TEK: variants seen among roughly 807,000 people sequenced by gnomAD.
TEK encodes the protein TEK receptor tyrosine kinase.
In TEK, 43 loss-of-function variants were observed where a neutral mutation model predicts 131.8. The ratio of observed to expected loss-of-function variants is 0.33; its 90% CI spans 0.26 to 0.42. The LOEUF (loss-of-function observed/expected upper bound fraction) is 0.42. TEK is among the 10% of genes least tolerant of loss of function. The pLI, the probability that TEK is intolerant of heterozygous loss-of-function variation, is 1.00. For missense variants in TEK, 1,162 were observed against 1,384.4 expected (o/e 0.84, Z 2.55); for synonymous variants, 580 against 491.6 (o/e 1.18, Z -2.38).
chr9:27,197,205 C>A, intron 11 of TEK, 110 bp from the exon 12 acceptor site: 1 of 1,209,808 alleles, frequency 8.3e-7, no homozygotes. Context: ...TCCCACCAGG[C>A]CCCACCTCCA....
rs191390931 is a variant in TEK, at chr9:27,123,572, T to C, written c.52+13930T>C. ...ACATAAAAGATTATCTAGCCCAGTG[T>C]TTCTGAAATCTCTTAACAGAATACC... is the stretch of plus-strand genomic sequence containing the variant. On this transcript the variant is annotated intron_variant, in intron 1 of 22. Coordinates refer to ENST00000380036, the MANE Select transcript of TEK (RefSeq NM_000459.5). Among the ~76,000 whole-genome samples, 148 of 152,364 alleles carry C rather than the reference T, an allele frequency of 9.7e-4. 1 individual carries two copies. Among genetic ancestry groups the C allele is most frequent in the African/African-American group, 3.4e-3 (143 of 41,596 alleles).
intron 20 of TEK, among the ~76,000 whole-genome samples, chr9:27,219,741 T>A (rs879730065): frequency 0.46 from 60,212 of 130,430 alleles, 13,964 homozygotes; most frequent in Middle Eastern, 0.57. Flanking sequence ...AAAAGGTTAA[T>A]CTTATTGGTA....
chr9:27,180,218 T>C lies in TEK; in HGVS notation c.902-22T>C, dbSNP rs749469926. The C allele has an allele frequency of 1.2e-5, 19 of 1,613,476 alleles. No individual in the cohort carries two copies. In the South Asian group the frequency reaches 2.0e-4, roughly 17 times the overall value. ...TCTCTTCCCCTGGATTAATACTGGTTTTTTGATGTCTCTGTTTACAGCATG... is the reference window on the plus strand; with the variant it reads ...TCTCTTCCCCTGGATTAATACTGGTCTTTTGATGTCTCTGTTTACAGCATG... On this transcript the variant is annotated intron_variant, in intron 6 of 22. Coordinates refer to ENST00000380036, the MANE Select transcript of TEK (RefSeq NM_000459.5).
chr9:27,119,877 CTGTG>C (rs1184124658), intron 1 of TEK, among the ~76,000 whole-genome samples: 2 of 124,426 alleles, frequency 1.6e-5, no homozygotes, highest in African/African-American at 2.9e-5. Flanking sequence ...ATCCTGGTGT[CTGTG>C]TGCACATGCG....
At chr9:27,160,313 A>C (rs1030134361) in intron 2 of TEK, among the ~76,000 whole-genome samples, 3 of 152,154 alleles carry the variant, frequency 2.0e-5, no homozygotes, top group Admixed American at 6.5e-5. Flanking sequence ...GTGTGAGCCC[A>C]CCAGGCCTGA....
rs189642223 is a variant in TEK, at chr9:27,116,279, G to C, written c.52+6637G>C. 3.0e-3 allele frequency among the ~76,000 whole-genome samples: 461 copies of C among 152,156 alleles called. 2 individuals carry two copies. The highest frequency in any genetic ancestry group is 0.011 in the African/African-American group (438 of 41,526). ...TTATTTTGTTCATGTTGATTTTGAG[G>C]CTACATGTAAAGGAAGTTTTTTTTT... is the stretch of plus-strand genomic sequence containing the variant. On this transcript the variant is annotated intron_variant, in intron 1 of 22. Transcript: ENST00000380036.
rs768328013 is a variant in TEK at position 27,218,728 on chromosome 9, C to CTCTAAATGAGT, written c.3063-49_3063-48insTCTAAATGAGT. The CTCTAAATGAGT allele has an allele frequency of 7.5e-6, 12 of 1,609,218 alleles. No homozygotes were observed. The South Asian group carries it at 1.2e-4, about 16-fold the overall frequency. ...CTGGCTTTTGGGGCCGGAAAATGAG[C>CTCTAAATGAGT]GGTGACTCTGTTTGCTGATTGTTGG... On this transcript the variant is annotated intron_variant, in intron 19 of 22. Transcript: ENST00000380036.
intron 21 of TEK, among the ~76,000 whole-genome samples, chr9:27,224,327 T>C (rs1826217652): frequency 6.6e-6 from 1 of 152,166 alleles, no homozygotes; most frequent in Non-Finnish European, 1.5e-5. Flanking sequence ...TTCAGGCCAA[T>C]ATCCCTGATG....
chr9:27,226,990 G>A (rs919418266), intron 21 of TEK, among the ~76,000 whole-genome samples: 13 of 121,546 alleles, frequency 1.1e-4, no homozygotes, highest in Admixed American at 5.6e-4. Flanking sequence ...TACCATCCTG[G>A]AAAAACCTGG....
At chr9:27,192,401 A>G in intron 10 of TEK, 88 bp from the exon 11 acceptor site, 1 of 1,524,530 alleles carries the variant, frequency 6.6e-7, no homozygotes, top group Non-Finnish European at 9.1e-7. Flanking sequence ...AAAACCTAAA[A>G]TTAGTTCACA....
At chr9:27,154,792 G>A (rs2131113119) in intron 1 of TEK, among the ~76,000 whole-genome samples, 1 of 152,310 alleles carries the variant, frequency 6.6e-6, no homozygotes, top group East Asian at 1.9e-4. Context: ...TAACCGGCAT[G>A]CTGAACAAGG....
chr9:27,185,550 C>A lies in TEK; in HGVS notation c.1248C>A (p.Pro416=). The A allele has an allele frequency of 6.2e-7, 1 of 1,613,862 alleles. No individual in the cohort carries two copies. The highest frequency in any genetic ancestry group is 8.5e-7 in the Non-Finnish European group (1 of 1,179,832). ...TATTCACCATCCACCGGATCCTCCCCCCTGACTCAGGAGTTTGGGTCTGCA... is the reference window on the plus strand; with the variant it reads ...TATTCACCATCCACCGGATCCTCCCACCTGACTCAGGAGTTTGGGTCTGCA... ...VAIFTIHRIL[P]PDSGVWVCSV... The change falls in exon 9 of 23, where the codon CCC becomes CCA. Residue 416 remains proline, a synonymous_variant. Transcript: ENST00000380036.
chr9:27,204,372 T>C (rs1023347005), intron 13 of TEK, among the ~76,000 whole-genome samples: 4 of 152,218 alleles, frequency 2.6e-5, no homozygotes, highest in African/African-American at 9.6e-5. Context: ...TTTTCCTCTG[T>C]CTTTTCCTGT....
intron 11 of TEK, 125 bp from the exon 12 acceptor site, chr9:27,197,190 T>C (rs1161845170): frequency 7.0e-6 from 7 of 1,005,688 alleles, no homozygotes; most frequent in South Asian, 1.5e-5. Context: ...CATCAACCAA[T>C]CACCTCCCAC....
rs1202114512 is a variant in TEK, at chr9:27,173,110, A to G, written c.761-112A>G. ...TGTTCATCCTACCATGCCACAGCTGAGATTTGACTGTTTCCCATATTCACT... is the reference window on the plus strand; with the variant it reads ...TGTTCATCCTACCATGCCACAGCTGGGATTTGACTGTTTCCCATATTCACT... On this transcript the variant is annotated intron_variant, in intron 5 of 22. Transcript: ENST00000380036. 5.6e-6 allele frequency: 8 copies of G among 1,416,942 alleles called. No homozygotes were observed. The Admixed American group carries it at 1.5e-4, about 26-fold the overall frequency. 87.8% of individuals were successfully genotyped at this position (1,416,942 alleles called of 1,614,324 possible).
Position 27,213,597 on chromosome 9 carries a change from G to GGTAA in TEK, c.2991+3_2991+6dup. On this transcript the variant is annotated frameshift_variant and splice_region_variant. Transcript: ENST00000380036. LOFTEE classifies it high-confidence loss of function. ...AAGAGGTGTATGTGAAAAAGACAAT[G>GGTAA]GTAAGTGCCAGACACAGACACTGAT... 1.2e-6 allele frequency: 2 copies of GGTAA among 1,607,728 alleles called. No individual in the cohort carries two copies. The highest frequency in any genetic ancestry group is 1.7e-6 in the Non-Finnish European group (2 of 1,174,372).
intron 1 of TEK, among the ~76,000 whole-genome samples, chr9:27,114,174 TTGAA>T (rs1261048058): frequency 6.6e-6 from 1 of 152,236 alleles, no homozygotes; most frequent in African/African-American, 2.4e-5. Context: ...GTAATTTCTG[TTGAA>T]TGGAGTTTTA....
chr9:27,209,567 T>G (rs1825526421), intron 16 of TEK, among the ~76,000 whole-genome samples: 1 of 152,216 alleles, frequency 6.6e-6, no homozygotes, highest in Non-Finnish European at 1.5e-5. Flanking sequence ...ACCATCAGCT[T>G]CTTAATTGCC....
At chr9:27,154,159 T>C (rs756304878) in intron 1 of TEK, among the ~76,000 whole-genome samples, 12 of 152,106 alleles carry the variant, frequency 7.9e-5, no homozygotes, top group Admixed American at 2.0e-4. Flanking sequence ...CTGTCTCTCT[T>C]TTATTTATTT....
Sources: gnomAD v4.1 joint callset for allele counts (sites outside exome capture counted in the v4.1 genomes callset) on GRCh38, gnomAD v4.1.1 for gene constraint, MANE v1.5 for transcripts, NCBI Gene and HGNC (gene_info 2026-07-23, HGNC 2026-07-21) for gene names.